SUGCT: variants seen among roughly 807,000 people sequenced by gnomAD.
The protein encoded by SUGCT is succinyl-CoA:glutarate-CoA transferase.
A neutral mutation model predicts 55.0 loss-of-function variants in SUGCT; 41 were observed. The ratio of observed to expected loss-of-function variants is 0.74; its 90% CI spans 0.58 to 0.97. SUGCT has a LOEUF of 0.97. Among genes scored for constraint, SUGCT ranks in the 50% least tolerant of loss-of-function variants. The pLI is 0.00. For synonymous variants in SUGCT, 187 were observed against 200.4 expected (o/e 0.93, Z 0.56); for missense variants, 568 against 547.8 (o/e 1.04, Z -0.37).
intron 1 of SUGCT, among the ~76,000 whole-genome samples, chr7:40,139,152 A>AATCAATC (rs1562788589): frequency 2.7e-5 from 4 of 147,470 alleles, no homozygotes; most frequent in African/African-American, 1.1e-4. Context: ...ATAAATAAAT[A>AATCAATC]AATAAATAAA....
intron 13 of SUGCT, among the ~76,000 whole-genome samples, chr7:40,781,182 A>G (rs951032578): frequency 6.6e-6 from 1 of 151,994 alleles, no homozygotes; most frequent in South Asian, 2.1e-4. Context: ...AGTGTTGTTT[A>G]TGTATACCCA....
chr7:40,898,216 C>G, the SUGCT span, among the ~76,000 whole-genome samples: 1 of 152,102 alleles, frequency 6.6e-6, no homozygotes, highest in Admixed American at 6.5e-5. Context: ...TGAACTATAA[C>G]ACTCACTGCA....
At chr7:40,943,561 G>A in the SUGCT span, among the ~76,000 whole-genome samples, 2 of 149,846 alleles carry the variant, frequency 1.3e-5, no homozygotes, top group Non-Finnish European at 3.0e-5. Flanking sequence ...ATAGTTTACT[G>A]AGAATGATGA....
At chr7:40,366,188 TG>T (rs1461053943) in intron 9 of SUGCT, among the ~76,000 whole-genome samples, 1 of 152,052 alleles carries the variant, frequency 6.6e-6, no homozygotes, top group Non-Finnish European at 1.5e-5. Context: ...TAATAAATGG[TG>T]CTGGGAAAAC....
intron 9 of SUGCT, among the ~76,000 whole-genome samples, chr7:40,336,356 C>T (rs147086259): frequency 4.7e-4 from 72 of 152,116 alleles, no homozygotes; most frequent in African/African-American, 1.7e-3. Flanking sequence ...TGGTAGAATT[C>T]GGCTGTGAAT....
chr7:40,245,423 A>ATATATATTT (rs1344678220), intron 7 of SUGCT, among the ~76,000 whole-genome samples: 1 of 54,588 alleles, frequency 1.8e-5, no homozygotes, highest in Admixed American at 2.2e-4. Context: ...ATATATATAT[A>ATATATATTT]TTTTTTTTTT....
intron 13 of SUGCT, among the ~76,000 whole-genome samples, chr7:40,835,060 C>T (rs1792890602): frequency 6.6e-6 from 1 of 152,186 alleles, no homozygotes; most frequent in Non-Finnish European, 1.5e-5. Flanking sequence ...TCTTTCTTTA[C>T]TGTCCAATAT....
chr7:40,593,202 C>T (rs1797820419), intron 12 of SUGCT, among the ~76,000 whole-genome samples: 1 of 152,132 alleles, frequency 6.6e-6, no homozygotes, highest in Non-Finnish European at 1.5e-5. Context: ...GAGCTGAACA[C>T]CCAGCTCTGT....
chr7:40,792,105 T>G (rs1790341225), intron 13 of SUGCT, among the ~76,000 whole-genome samples: 1 of 152,118 alleles, frequency 6.6e-6, no homozygotes. Flanking sequence ...AAGAAACAAT[T>G]TTTTATGCTC....
intron 9 of SUGCT, among the ~76,000 whole-genome samples, chr7:40,337,683 G>T (rs1002323534): frequency 6.6e-5 from 10 of 152,136 alleles, no homozygotes; most frequent in African/African-American, 2.4e-4. Flanking sequence ...GCACACTGAT[G>T]GGTCTTGACT....
In SUGCT at chr7:40,234,472, GTTTA is replaced by G. The variant is rs368184713; in HGVS notation, c.485-3159_485-3156del. ...TCTGCACAGAGAATGTTGGCTTATA[GTTTA>G]TTTCTCTTTATTTGCTTCATATCCC... On this transcript the variant is annotated intron_variant, in intron 6 of 13. Coordinates refer to ENST00000335693, the MANE Select transcript of SUGCT (RefSeq NM_001193313.2). Among the ~76,000 whole-genome samples the G allele has an allele frequency of 4.6e-3, 701 of 152,254 alleles. 6 individuals carry two copies. Among genetic ancestry groups the G allele is most frequent in the African/African-American group, 0.016 (668 of 41,544 alleles).
At chr7:40,947,019 T>G in the SUGCT span, among the ~76,000 whole-genome samples, 1,036 of 152,222 alleles carry the variant, frequency 6.8e-3, 11 homozygotes, top group African/African-American at 0.024. Context: ...AGTTTGGAAA[T>G]TTTTCATGCA....
chr7:40,803,507 A>G (rs1261927568), intron 13 of SUGCT, among the ~76,000 whole-genome samples: 2 of 152,164 alleles, frequency 1.3e-5, no homozygotes, highest in East Asian at 3.9e-4. Flanking sequence ...ATGTGCCTCA[A>G]ATTCCTTAAG....
chr7:40,777,833 C>T (rs1243528638), intron 13 of SUGCT, among the ~76,000 whole-genome samples: 1 of 152,120 alleles, frequency 6.6e-6, no homozygotes, highest in African/African-American at 2.4e-5. Context: ...AGCCAAACGA[C>T]CAGCTGCAGC....
intron 9 of SUGCT, among the ~76,000 whole-genome samples, chr7:40,422,571 A>G (rs1787367292): frequency 6.6e-6 from 1 of 152,034 alleles, no homozygotes; most frequent in South Asian, 2.1e-4. Flanking sequence ...CAGAATCCTA[A>G]ACTTGTAGTT....
intron 6 of SUGCT, among the ~76,000 whole-genome samples, chr7:40,198,654 A>G (rs1207002121): frequency 7.0e-6 from 1 of 142,796 alleles, no homozygotes; most frequent in Non-Finnish European, 1.5e-5. Flanking sequence ...TGAGGTCAGG[A>G]GTTCGAGACC....
chr7:40,852,148 G>C (rs901077574), intron 13 of SUGCT, among the ~76,000 whole-genome samples: 1 of 152,138 alleles, frequency 6.6e-6, no homozygotes, highest in Non-Finnish European at 1.5e-5. Context: ...TCCTTGGCTT[G>C]TGCCAAACTT....
chr7:40,179,294 T>A (rs1160165834), intron 1 of SUGCT, among the ~76,000 whole-genome samples: 1 of 152,064 alleles, frequency 6.6e-6, no homozygotes, highest in Non-Finnish European at 1.5e-5. Context: ...GGGCAATTCT[T>A]TCTTTCTTTT....
At chr7:40,762,842 CTG>C (rs1481766303) in intron 13 of SUGCT, among the ~76,000 whole-genome samples, 1 of 150,968 alleles carries the variant, frequency 6.6e-6, no homozygotes, top group African/African-American at 2.4e-5. Context: ...GAATCTCACT[CTG>C]TTGCCCAGGC....
Sources: allele counts gnomAD v4.1 joint callset (sites outside exome capture counted in the v4.1 genomes callset), GRCh38; gene constraint gnomAD v4.1.1; transcripts MANE v1.5; gene names NCBI Gene and HGNC (gene_info 2026-07-23, HGNC 2026-07-21).